PAK2: variants seen among roughly 807,000 people sequenced by gnomAD.
The protein encoded by PAK2 is serine/threonine-protein kinase PAK 2.
In PAK2, 21 loss-of-function variants were observed where a neutral mutation model predicts 65.9. The observed-to-expected ratio is 0.32, with a 90% CI of 0.23 to 0.46. The LOEUF (loss-of-function observed/expected upper bound fraction) is 0.46. Ranked by LOEUF, PAK2 falls within the 20% of genes least tolerant of loss-of-function variation. The pLI is 1.00. For missense variants in PAK2, 324 were observed against 642.6 expected (o/e 0.50, Z 5.36); for synonymous variants, 204 against 219.7 (o/e 0.93, Z 0.63).
In PAK2 at chr3:196,761,995, G is replaced by A. The variant is rs868541218; in HGVS notation, c.-21-20631G>A. Among the ~76,000 whole-genome samples, 809 of 127,096 alleles carry A rather than the reference G, an allele frequency of 6.4e-3. 6 individuals are homozygous for A. Among genetic ancestry groups the A allele is most frequent in the African/African-American group, 0.022 (754 of 33,520 alleles). 83.4% of individuals were successfully genotyped at this position (127,096 alleles called of 152,430 possible). On this transcript the variant is annotated intron_variant, in intron 1 of 14. Coordinates refer to ENST00000327134, the MANE Select transcript of PAK2 (RefSeq NM_002577.4). ...ACTTCTCAGACGGGGTGGTTGCCAG[G>A]CAGAGGGTCTCCTCACTTCTCAGAC...
intron 8 of PAK2, among the ~76,000 whole-genome samples, chr3:196,811,816 T>TGATGAACACCAAATACAG (rs1471828841): frequency 6.6e-6 from 1 of 152,012 alleles, no homozygotes; most frequent in African/African-American, 2.4e-5. Context: ...TGCATGAAAA[T>TGATGAACACCAAATACAG]GATGAACACC....
rs762978532 is a variant in PAK2 at position 196,782,846 on chromosome 3, T to G, written c.187+13T>G. The stretch of plus-strand genomic sequence containing the variant: ...GGCACAGAGAAAGGTAAATAGCGCT[T>G]CTGGCTTTCAGAGTCTCAGCATTGG... On this transcript the variant is annotated intron_variant, in intron 2 of 14. Transcript: ENST00000327134. 3 of 1,577,212 alleles carry G rather than the reference T, an allele frequency of 1.9e-6. No individual in the cohort carries two copies. The highest frequency in any genetic ancestry group is 1.7e-6 in the Non-Finnish European group (2 of 1,154,646).
At chr3:196,760,343 C>T (rs887893986) in intron 1 of PAK2, among the ~76,000 whole-genome samples, 6 of 151,990 alleles carry the variant, frequency 3.9e-5, no homozygotes, top group African/African-American at 1.2e-4. Flanking sequence ...CTCCGTCTCC[C>T]GGGTTCAAGC....
chr3:196,825,428 A>G (rs531204078), intron 13 of PAK2, among the ~76,000 whole-genome samples: 7,310 of 150,508 alleles, frequency 0.049, 613 homozygotes, highest in African/African-American at 0.17. Flanking sequence ...CAGATCACAA[A>G]GTTGGGAGTT....
intron 2 of PAK2, among the ~76,000 whole-genome samples, chr3:196,788,299 A>G (rs921495879): frequency 1.3e-5 from 2 of 152,194 alleles, no homozygotes; most frequent in African/African-American, 4.8e-5. Flanking sequence ...TCTCTAATGT[A>G]AGGCCTGATC....
chr3:196,819,486 A>G (rs1172210895), intron 12 of PAK2, among the ~76,000 whole-genome samples: 1 of 152,192 alleles, frequency 6.6e-6, no homozygotes, highest in African/African-American at 2.4e-5. Context: ...AGATGTACTA[A>G]TATGGAAAGA....
chr3:196,805,332 A>G lies in PAK2; in HGVS notation c.437-20A>G. ...TGCTGTTTCTTGAATTGCTAATGTT[A>G]TGTTTTGTTTCATATTCAGAGAAAG... On this transcript the variant is annotated intron_variant, in intron 4 of 14. Transcript: ENST00000327134. 2 of 1,336,530 alleles carry G rather than the reference A, an allele frequency of 1.5e-6. No individual in the cohort carries two copies. Among genetic ancestry groups the G allele is most frequent in the Non-Finnish European group, 2.1e-6 (2 of 971,780 alleles). The allele number at this position is 1,336,530 out of a possible 1,614,324, so 82.8% of individuals were successfully genotyped here.
chr3:196,746,098 C>T (rs1713369486), intron 1 of PAK2, among the ~76,000 whole-genome samples: 1 of 151,876 alleles, frequency 6.6e-6, no homozygotes, highest in Admixed American at 6.6e-5. Context: ...AAGTGTTGGA[C>T]AGGCATGAGC....
In PAK2 at chr3:196,808,290, C is replaced by T. The variant is rs531864753; in HGVS notation, c.709+376C>T. ...CAAGATTGCGTCGTTGGGCTGGGCGCGGTGGCTCACGCCTGTAATCCCAGC... is the reference window on the plus strand; with the variant it reads ...CAAGATTGCGTCGTTGGGCTGGGCGTGGTGGCTCACGCCTGTAATCCCAGC... On this transcript the variant is annotated intron_variant, in intron 7 of 14. Coordinates refer to ENST00000327134, the MANE Select transcript of PAK2 (RefSeq NM_002577.4). 7.9e-5 allele frequency among the ~76,000 whole-genome samples: 12 copies of T among 151,750 alleles called. No homozygotes were observed. The East Asian group carries it at 9.7e-4, about 12-fold the overall frequency.
intron 2 of PAK2, among the ~76,000 whole-genome samples, chr3:196,799,050 CA>C (rs550855016): frequency 1.3e-5 from 2 of 150,876 alleles, no homozygotes; most frequent in African/African-American, 4.9e-5. Context: ...TGTAGTAAGG[CA>C]AAAAAAAATT....
At chr3:196,802,602 T>C (rs553991264) in intron 3 of PAK2, among the ~76,000 whole-genome samples, 1 of 152,230 alleles carries the variant, frequency 6.6e-6, no homozygotes, top group East Asian at 1.9e-4. Flanking sequence ...CCCAGCACTT[T>C]GGGAGGCCGA....
At chr3:196,804,342 A>C (rs1435655737) in intron 4 of PAK2, among the ~76,000 whole-genome samples, 1 of 152,208 alleles carries the variant, frequency 6.6e-6, no homozygotes, top group Non-Finnish European at 1.5e-5. Context: ...CTTTTCTATC[A>C]ACCAGTAAGT....
intron 10 of PAK2, among the ~76,000 whole-genome samples, chr3:196,813,814 G>A (rs1715905950): frequency 6.6e-6 from 1 of 151,952 alleles, no homozygotes; most frequent in South Asian, 2.1e-4. Context: ...GCTGGGCATG[G>A]TGCCGCACAC....
chr3:196,828,148 A>T (rs1283290939), intron 14 of PAK2, among the ~76,000 whole-genome samples, 171 bp from the exon 15 acceptor site: 3 of 152,210 alleles, frequency 2.0e-5, no homozygotes, highest in African/African-American at 7.2e-5. Context: ...CTTTCATTCA[A>T]CTCTGAAAGT....
At chr3:196,823,361 C>T (rs749710765) in intron 13 of PAK2, among the ~76,000 whole-genome samples, 5 of 152,078 alleles carry the variant, frequency 3.3e-5, no homozygotes, top group Admixed American at 6.6e-5. Context: ...GCCAGGAGTA[C>T]GCTCAGGCTT....
At chr3:196,766,371 T>C (rs1299190582) in intron 1 of PAK2, among the ~76,000 whole-genome samples, 1 of 152,172 alleles carries the variant, frequency 6.6e-6, no homozygotes, top group African/African-American at 2.4e-5. Context: ...TTGCTAACTG[T>C]GTAATACATA....
chr3:196,816,350 A>G lies in PAK2; in HGVS notation c.1054-1707A>G, dbSNP rs1260157370. Reference sequence around the variant, plus strand: ...CTTTGGTAGAAGGGAGGAAATAAGAACTCTTGAATAGAATATTAATAGAAT... The same window carrying G: ...CTTTGGTAGAAGGGAGGAAATAAGAGCTCTTGAATAGAATATTAATAGAAT... On this transcript the variant is annotated intron_variant, in intron 11 of 14. Coordinates refer to ENST00000327134, the MANE Select transcript of PAK2 (RefSeq NM_002577.4). Among the ~76,000 whole-genome samples the G allele has an allele frequency of 4.6e-5, 7 of 152,122 alleles. No individual in the cohort carries two copies. The East Asian group carries it at 1.3e-3, about 29-fold the overall frequency.
chr3:196,799,972 C>T (rs77416532), intron 2 of PAK2, among the ~76,000 whole-genome samples: 102 of 152,148 alleles, frequency 6.7e-4, no homozygotes, highest in African/African-American at 2.3e-3. Context: ...TAAAGCGTAC[C>T]GAACGGATGA....
rs903657701 is a variant in PAK2 at position 196,756,021 on chromosome 3, A to G, written c.-22+15864A>G. On this transcript the variant is annotated intron_variant, in intron 1 of 14. Coordinates refer to ENST00000327134, the MANE Select transcript of PAK2 (RefSeq NM_002577.4). Reference sequence around the variant, plus strand: ...CGTCTGCCTTGGCCTCCCAAAGTGCAGGGATTACAGGTGTGAGCCACCGCA... The same window carrying G: ...CGTCTGCCTTGGCCTCCCAAAGTGCGGGGATTACAGGTGTGAGCCACCGCA... 5.9e-5 allele frequency among the ~76,000 whole-genome samples: 9 copies of G among 152,140 alleles called. No individual in the cohort carries two copies. In the East Asian group the frequency reaches 1.7e-3, roughly 29 times the overall value.
Sources: gnomAD v4.1 joint callset for allele counts (sites outside exome capture counted in the v4.1 genomes callset) on GRCh38, gnomAD v4.1.1 for gene constraint, MANE v1.5 for transcripts, NCBI Gene and HGNC (gene_info 2026-07-23, HGNC 2026-07-21) for gene names.